The following SLC1A1 variants were observed in gnomAD, a reference collection of about 807,000 sequenced individuals.
SLC1A1 encodes the protein solute carrier family 1 member 1.
In SLC1A1, 43 loss-of-function variants were observed where a neutral mutation model predicts 53.3. The ratio of observed to expected loss-of-function variants is 0.81; its 90% CI spans 0.63 to 1.04. The LOEUF is 1.04. Ranked by LOEUF, SLC1A1 falls within the 50% of genes least tolerant of loss-of-function variation. The pLI, the probability that SLC1A1 is intolerant of heterozygous loss-of-function variation, is 0.00. For missense variants in SLC1A1, 748 were observed against 664.9 expected (o/e 1.12, Z -1.37); for synonymous variants, 307 against 243.2 (o/e 1.26, Z -2.44).
chr9:4,583,218 C>A lies in SLC1A1; in HGVS notation c.1328+46C>A. On this transcript the variant is annotated intron_variant, in intron 11 of 11. Transcript: ENST00000262352. The surrounding 1 kb of genome is among the most constrained non-coding windows in gnomAD (Gnocchi z 4.6). ...TGCCTTAGCTGGATGTGCAGGCGGGCTTCCCAGCCTCGCAGGCGCTGCAGT... is the reference window on the plus strand; with the variant it reads ...TGCCTTAGCTGGATGTGCAGGCGGGATTCCCAGCCTCGCAGGCGCTGCAGT... 1 of 1,612,112 alleles carries A rather than the reference C, an allele frequency of 6.2e-7. No individual in the cohort carries two copies.
At chr9:4,532,001 C>T (rs142630252) in intron 1 of SLC1A1, among the ~76,000 whole-genome samples, 2,939 of 152,196 alleles carry the variant, frequency 0.019, 96 homozygotes, top group African/African-American at 0.066. Flanking sequence ...GGGTCCTGAC[C>T]GTTAGAAGGA....
chr9:4,502,389 G>GAAAA (rs775499017), intron 1 of SLC1A1, among the ~76,000 whole-genome samples: 13,016 of 56,470 alleles, frequency 0.23, 3,345 homozygotes, highest in African/African-American at 0.3. Flanking sequence ...CCTGTCTCCA[G>GAAAA]AAAAAAAAAA....
chr9:4,573,271 GAC>G (rs1299201494), intron 7 of SLC1A1, among the ~76,000 whole-genome samples: 1 of 152,136 alleles, frequency 6.6e-6, no homozygotes, highest in Non-Finnish European at 1.5e-5. Context: ...TGTAGATACT[GAC>G]AGTGATGTAA....
At chr9:4,508,823 C>T (rs530047935) in intron 1 of SLC1A1, among the ~76,000 whole-genome samples, 48 of 152,242 alleles carry the variant, frequency 3.2e-4, no homozygotes, top group Admixed American at 9.2e-4. Context: ...AGTCCTGGTT[C>T]GGCTCAATGC....
chr9:4,566,755 A>G (rs528288553), intron 5 of SLC1A1, among the ~76,000 whole-genome samples: 1 of 152,320 alleles, frequency 6.6e-6, no homozygotes, highest in Non-Finnish European at 1.5e-5. Context: ...AATGCAGTGT[A>G]ACAAAGCCAT....
At position 4,549,962 on chromosome 9, in the gene SLC1A1, C is replaced by T. The variant is rs183065334; in HGVS notation, c.232+5255C>T. Among the ~76,000 whole-genome samples the T allele has an allele frequency of 6.6e-6, 1 of 152,252 alleles. No individual in the cohort carries two copies. The highest frequency in any genetic ancestry group is 6.5e-5 in the Admixed American group (1 of 15,302). The stretch of plus-strand genomic sequence containing the variant: ...TCTGGATTTCCTAAAAACGCCTGCT[C>T]AAACAAGGGCACACACAGCTCCTCA... On this transcript the variant is annotated intron_variant, in intron 2 of 11. Transcript: ENST00000262352. The surrounding 1 kb of genome is among the most constrained non-coding windows in gnomAD (Gnocchi z 4.1).
chr9:4,569,533 C>T (rs1298197284), intron 6 of SLC1A1, among the ~76,000 whole-genome samples: 1 of 152,162 alleles, frequency 6.6e-6, no homozygotes, highest in Non-Finnish European at 1.5e-5. Flanking sequence ...TGCATTGGTA[C>T]CTCTGTAAGC....
chr9:4,501,117 T>C (rs1820616240), intron 1 of SLC1A1, among the ~76,000 whole-genome samples: 1 of 152,008 alleles, frequency 6.6e-6, no homozygotes, highest in African/African-American at 2.4e-5. Context: ...CACAGGACAA[T>C]TGTCACAGCA....
chr9:4,581,793 T>A (rs1821123838), intron 10 of SLC1A1, among the ~76,000 whole-genome samples: 1 of 152,192 alleles, frequency 6.6e-6, no homozygotes, highest in Non-Finnish European at 1.5e-5. Context: ...TATAATTTGG[T>A]GGTCAAAACC....
chr9:4,501,114 C>A (rs780978162), intron 1 of SLC1A1, among the ~76,000 whole-genome samples: 4 of 148,200 alleles, frequency 2.7e-5, no homozygotes, highest in Non-Finnish European at 5.9e-5. Context: ...CAACACAGGA[C>A]AATTGTCACA....
intron 1 of SLC1A1, among the ~76,000 whole-genome samples, chr9:4,512,634 A>G (rs1319538446): frequency 1.3e-5 from 2 of 152,224 alleles, no homozygotes; most frequent in Non-Finnish European, 1.5e-5. Flanking sequence ...TTTTCAAGAT[A>G]TCAAGTGTAA....
At chr9:4,521,772 G>A (rs1041961809) in intron 1 of SLC1A1, among the ~76,000 whole-genome samples, 4 of 152,130 alleles carry the variant, frequency 2.6e-5, no homozygotes, top group African/African-American at 4.8e-5. Context: ...AGAGGGAAGG[G>A]GCAAGTGCAG....
chr9:4,528,555 G>C (rs1816349709), intron 1 of SLC1A1, among the ~76,000 whole-genome samples: 1 of 152,168 alleles, frequency 6.6e-6, no homozygotes, highest in Non-Finnish European at 1.5e-5. Flanking sequence ...CAGCCTGGGA[G>C]ACAGAGCAGG....
At chr9:4,506,017 G>GGT (rs1158665280) in intron 1 of SLC1A1, among the ~76,000 whole-genome samples, 3 of 152,102 alleles carry the variant, frequency 2.0e-5, no homozygotes, top group African/African-American at 7.2e-5. Context: ...GTAGAGAGGG[G>GGT]GTTTCACCAT....
intron 10 of SLC1A1, among the ~76,000 whole-genome samples, chr9:4,580,601 A>ATGTG (rs71326118): frequency 0.056 from 3,883 of 69,450 alleles, 118 homozygotes; most frequent in Middle Eastern, 0.098. Context: ...AAAAATATAT[A>ATGTG]TGTGTGTGTG....
chr9:4,505,897 C>T (rs1820791852), intron 1 of SLC1A1, among the ~76,000 whole-genome samples: 3 of 152,218 alleles, frequency 2.0e-5, no homozygotes, highest in Non-Finnish European at 4.4e-5. Flanking sequence ...CAACTCAGCT[C>T]ACTGCAACCT....
chr9:4,530,722 T>C (rs1432961236), intron 1 of SLC1A1, among the ~76,000 whole-genome samples: 1 of 152,228 alleles, frequency 6.6e-6, no homozygotes, highest in Admixed American at 6.5e-5. Flanking sequence ...AACACAATTA[T>C]ATTATTTTTT....
chr9:4,551,911 G>A (rs1365997877), intron 2 of SLC1A1, among the ~76,000 whole-genome samples: 1 of 152,170 alleles, frequency 6.6e-6, no homozygotes, highest in East Asian at 1.9e-4. Flanking sequence ...AAGACAAAAC[G>A]ACCACATAGT....
At position 4,556,219 on chromosome 9, in the gene SLC1A1, C is replaced by A. The variant is rs1055501408; in HGVS notation, c.233-5230C>A. Among the ~76,000 whole-genome samples, 2 of 152,048 alleles carry A rather than the reference C, an allele frequency of 1.3e-5. No individual in the cohort carries two copies. Among genetic ancestry groups the A allele is most frequent in the African/African-American group, 4.8e-5 (2 of 41,398 alleles). On this transcript the variant is annotated intron_variant, in intron 2 of 11. Transcript: ENST00000262352. This position sits in a 1 kb window ranked among gnomAD's most constrained non-coding sequence, Gnocchi z 4.1. ...TTTTTAAGTAGAGATGGGGTTTCACCATGTTGGCCAGGCTGGTCTCAAACT... is the reference window on the plus strand; with the variant it reads ...TTTTTAAGTAGAGATGGGGTTTCACAATGTTGGCCAGGCTGGTCTCAAACT...
Sources: gnomAD v4.1 joint callset for allele counts (sites outside exome capture counted in the v4.1 genomes callset) on GRCh38, gnomAD v4.1.1 for gene constraint, Gnocchi (gnomAD v3.1) non-coding constraint, MANE v1.5 for transcripts, NCBI Gene and HGNC (gene_info 2026-07-23, HGNC 2026-07-21) for gene names.